GLI2: variants seen among roughly 807,000 people sequenced by gnomAD.
The protein encoded by GLI2 is GLI family zinc finger 2.
Under a neutral mutation model 78.9 loss-of-function variants are expected in GLI2, and 22 were observed. The observed-to-expected ratio is 0.28, with a 90% CI of 0.20 to 0.40. The LOEUF (loss-of-function observed/expected upper bound fraction) is 0.40. Ranked by LOEUF, GLI2 falls within the 10% of genes least tolerant of loss-of-function variation. The pLI is 1.00. For missense variants in GLI2, 2,097 were observed against 2,213.2 expected (o/e 0.95, Z 1.05); for synonymous variants, 974 against 963.7 (o/e 1.01, Z -0.20).
chr2:120,792,686 G>T (rs560223733), intron 1 of GLI2, among the ~76,000 whole-genome samples: 1 of 152,154 alleles, frequency 6.6e-6, no homozygotes, highest in Non-Finnish European at 1.5e-5. Context: ...GCAGTGGCGC[G>T]GTCTTGCCTC....
At chr2:120,857,288 C>T (rs138623601) in intron 2 of GLI2, among the ~76,000 whole-genome samples, 1 of 151,858 alleles carries the variant, frequency 6.6e-6, no homozygotes, top group Non-Finnish European at 1.5e-5. Flanking sequence ...CATTCAACCA[C>T]CCACCTACCC....
chr2:120,978,300 C>T (rs1316759679), intron 9 of GLI2, 134 bp from the exon 10 acceptor site: 1 of 902,786 alleles, frequency 1.1e-6, no homozygotes, highest in Non-Finnish European at 1.9e-6. Context: ...TAGGTGTGGT[C>T]AGCAGGGTGG....
intron 2 of GLI2, among the ~76,000 whole-genome samples, chr2:120,818,531 G>C (rs560691860): frequency 6.6e-6 from 1 of 152,344 alleles, no homozygotes; most frequent in East Asian, 1.9e-4. Context: ...TCCTTACCGA[G>C]TAGGTGCTGG....
In GLI2 at chr2:120,970,513, C is replaced by T. The variant is rs141704487; in HGVS notation, c.966C>T (p.Thr322=). The stretch of plus-strand genomic sequence containing the variant: ...CACCCCTGATCCAGCCCTCACCCAC[C>T]TTCCTGGCCCAGCAGCCCATGGCCC... ...HTPPLIQPSP[T]FLAQQPMALT... The change falls in exon 7 of 14, where the codon ACC becomes ACT. Residue 322 remains threonine, a synonymous_variant. Transcript: ENST00000361492. The T allele has an allele frequency of 4.3e-6, 7 of 1,614,014 alleles. No homozygotes were observed. The African/African-American group carries it at 8.0e-5, about 18-fold the overall frequency.
intron 2 of GLI2, among the ~76,000 whole-genome samples, chr2:120,809,967 G>T (rs758440271): frequency 6.6e-6 from 1 of 152,178 alleles, no homozygotes; most frequent in Non-Finnish European, 1.5e-5. Context: ...TGGGGGCTGC[G>T]GTCAGGCAGG....
At chr2:120,822,477 A>T (rs536918550) in intron 2 of GLI2, among the ~76,000 whole-genome samples, 2 of 152,308 alleles carry the variant, frequency 1.3e-5, no homozygotes, top group East Asian at 3.9e-4. Flanking sequence ...ATACCAAGAG[A>T]GATGGTGCTG....
intron 3 of GLI2, among the ~76,000 whole-genome samples, chr2:120,929,234 C>T (rs759994336): frequency 3.3e-5 from 5 of 152,170 alleles, no homozygotes; most frequent in Admixed American, 2.6e-4. Context: ...ATGATCTTCA[C>T]GCTTCTCACT....
At chr2:120,882,845 A>G (rs908239708) in intron 2 of GLI2, among the ~76,000 whole-genome samples, 7 of 152,038 alleles carry the variant, frequency 4.6e-5, no homozygotes, top group African/African-American at 1.7e-4. Flanking sequence ...GGTGTAAATT[A>G]CATATAGTAA....
intron 2 of GLI2, among the ~76,000 whole-genome samples, chr2:120,923,190 G>A (rs1005497522): frequency 4.0e-5 from 6 of 148,554 alleles, no homozygotes; most frequent in Non-Finnish European, 7.4e-5. Flanking sequence ...CATACACACA[G>A]CAACACTTAT....
intron 1 of GLI2, among the ~76,000 whole-genome samples, chr2:120,767,597 CA>C (rs147956658): frequency 0.013 from 1,959 of 152,344 alleles, 41 homozygotes; most frequent in African/African-American, 0.045. Flanking sequence ...CAAATTGGCA[CA>C]GGGGCACGGG....
intron 2 of GLI2, among the ~76,000 whole-genome samples, chr2:120,834,690 A>AT (rs1686521879): frequency 6.6e-6 from 1 of 151,848 alleles, no homozygotes. Context: ...GTTCTTGCAG[A>AT]CCCCTTTGTT....
Position 120,986,377 on chromosome 2 carries a change from A to T in GLI2, c.2005A>T (p.Thr669Ser), listed in dbSNP as rs750174908. The change falls in exon 13 of 14, where the codon ACG (threonine) becomes TCG (serine). Residue 669 changes from threonine to serine, a missense_variant. This residue lies in a region of GLI2 where 68 missense variants were observed against 104.4 expected (regional missense o/e 0.65). Transcript: ENST00000361492. Reference sequence around the variant, plus strand: ...TGACAGTGGCGTGGAGATGCCGGGGACGGGGCCCGGGAGCCTGGGAGACCT... The same window carrying T: ...TGACAGTGGCGTGGAGATGCCGGGGTCGGGGCCCGGGAGCCTGGGAGACCT... ...NNDSGVEMPG[T>S]GPGSLGDLTA... is the part of the protein sequence containing the mutation. The T allele has an allele frequency of 2.2e-5, 36 of 1,613,372 alleles. No individual in the cohort carries two copies. The highest frequency in any genetic ancestry group is 2.9e-5 in the Non-Finnish European group (34 of 1,179,912).
chr2:120,777,084 A>G (rs924895083), intron 1 of GLI2, among the ~76,000 whole-genome samples: 6 of 152,182 alleles, frequency 3.9e-5, no homozygotes, highest in African/African-American at 1.2e-4. Flanking sequence ...CTTTTTGAGC[A>G]TGTGCAGCTG....
In GLI2 at chr2:120,737,246, G is replaced by T. The variant is rs758804154; in HGVS notation, c.-31+961G>T. 1.1e-4 allele frequency among the ~76,000 whole-genome samples: 16 copies of T among 152,098 alleles called. No individual in the cohort carries two copies. Among genetic ancestry groups the T allele is most frequent in the Admixed American group, 2.0e-4 (3 of 15,278 alleles). ...TGCGTGTGTGAGTGTGAGCGCGCCC[G>T]CCGCGCTGGAGAGCTGGGAGTCCAC... On this transcript the variant is annotated intron_variant, in intron 1 of 13. Coordinates refer to ENST00000361492, the MANE Select transcript of GLI2 (RefSeq NM_001374353.1). This position sits in a 1 kb window ranked among gnomAD's most constrained non-coding sequence, Gnocchi z 4.3.
At chr2:120,894,013 C>T (rs777624974) in intron 2 of GLI2, among the ~76,000 whole-genome samples, 12 of 152,356 alleles carry the variant, frequency 7.9e-5, no homozygotes, top group African/African-American at 2.9e-4. Flanking sequence ...AGAATAAACT[C>T]GCTTTCTTCC....
chr2:120,941,060 C>T (rs905155429), intron 3 of GLI2, among the ~76,000 whole-genome samples: 1 of 152,216 alleles, frequency 6.6e-6, no homozygotes, highest in Non-Finnish European at 1.5e-5. Context: ...GGGGGAGTGA[C>T]GTGTGGACGC....
chr2:120,868,202 T>A lies in GLI2; in HGVS notation c.149-59159T>A, dbSNP rs546789541. ...GGAGGACTCCAGACAAGAAGCTTTA[T>A]TGTCTGCGAGTCCCAGCTCACGGTT... On this transcript the variant is annotated intron_variant, in intron 2 of 13. Transcript: ENST00000361492. 2.0e-5 allele frequency among the ~76,000 whole-genome samples: 3 copies of A among 152,318 alleles called. No homozygotes were observed. In the South Asian group the frequency reaches 6.2e-4, roughly 32 times the overall value.
intron 5 of GLI2, among the ~76,000 whole-genome samples, chr2:120,966,091 C>T (rs1161078168): frequency 1.3e-5 from 2 of 152,152 alleles, no homozygotes; most frequent in African/African-American, 4.8e-5. Flanking sequence ...TGATTAACTC[C>T]ACTTTTTTTT....
chr2:120,878,641 T>A (rs1407604122), intron 2 of GLI2, among the ~76,000 whole-genome samples: 1 of 152,182 alleles, frequency 6.6e-6, no homozygotes, highest in Non-Finnish European at 1.5e-5. Context: ...TTTCTGGTTT[T>A]AAAAATCTTT....
Sources: gnomAD v4.1 joint callset for allele counts (sites outside exome capture counted in the v4.1 genomes callset) on GRCh38, gnomAD v4.1.1 for gene constraint, gnomAD v4.1.1 regional missense constraint, Gnocchi (gnomAD v3.1) non-coding constraint, MANE v1.5 for transcripts, NCBI Gene and HGNC (gene_info 2026-07-23, HGNC 2026-07-21) for gene names.